ZNF407: variants seen among roughly 807,000 people sequenced by gnomAD.
ZNF407 encodes the protein zinc finger protein 407.
ZNF407 carries 17 observed loss-of-function variants against 131.2 expected under a neutral mutation model. The observed-to-expected ratio is 0.13, with a 90% CI of 0.09 to 0.19. The LOEUF (loss-of-function observed/expected upper bound fraction) is 0.19, where lower values mean the gene tolerates loss of function less well. ZNF407 is among the 10% of genes least tolerant of loss of function. The pLI, the probability that ZNF407 is intolerant of heterozygous loss-of-function variation, is 1.00. For missense variants in ZNF407, 2,681 were observed against 2,830.6 expected (o/e 0.95, Z 1.20); for synonymous variants, 1,156 against 1,062.0 (o/e 1.09, Z -1.72).
At chr18:75,051,340 C>T (rs1367463781) in intron 8 of ZNF407, among the ~76,000 whole-genome samples, 1 of 152,168 alleles carries the variant, frequency 6.6e-6, no homozygotes, top group Admixed American at 6.5e-5. Context: ...CAAAAGCACC[C>T]GAGTGCATTC....
At chr18:74,641,721 G>A (rs1442730348) in intron 3 of ZNF407, among the ~76,000 whole-genome samples, 2 of 152,122 alleles carry the variant, frequency 1.3e-5, no homozygotes, top group Non-Finnish European at 2.9e-5. Context: ...TTATTCAAAT[G>A]TGTTGCATTG....
chr18:74,634,860 G>A lies in ZNF407; in HGVS notation c.3841G>A (p.Gly1281Ser), dbSNP rs1364433032. 6.2e-7 allele frequency: 1 copy of A among 1,613,642 alleles called. No homozygotes were observed. Among genetic ancestry groups the A allele is most frequent in the Non-Finnish European group, 8.5e-7 (1 of 1,179,722 alleles). Reference sequence around the variant, plus strand: ...AGAACAGGGAAATCTGGAGAGCGGGGGTCAGAACAGAGTTGCACGTGGGCA... The same window carrying A: ...AGAACAGGGAAATCTGGAGAGCGGGAGTCAGAACAGAGTTGCACGTGGGCA... ...TREQGNLESG[G>S]QNRVARGHGL... The change falls in exon 2 of 9, where the codon GGT becomes AGT. Residue 1281 changes from glycine (G) to serine (S), a missense_variant. Gly to Ser is a moderately conservative substitution (Grantham distance 56). Around this residue, in one of 6 missense-constraint regions of ZNF407, gnomAD observed 1,789 missense variants for 1,748.7 expected, o/e 1.02. Transcript: ENST00000299687.
chr18:74,672,445 C>CTGTTCATTGGATCACTGTT (rs1568158478), intron 3 of ZNF407, among the ~76,000 whole-genome samples: 8 of 144,878 alleles, frequency 5.5e-5, no homozygotes, highest in Admixed American at 5.5e-4. Context: ...CACTGTTTGT[C>CTGTTCATTGGATCACTGTT]TGTTCATTGG....
At chr18:74,831,884 T>C (rs940300008) in intron 4 of ZNF407, among the ~76,000 whole-genome samples, 1 of 152,110 alleles carries the variant, frequency 6.6e-6, no homozygotes, top group Non-Finnish European at 1.5e-5. Context: ...CCTCCCACCC[T>C]CCGTGTGCTG....
intron 4 of ZNF407, among the ~76,000 whole-genome samples, chr18:74,831,201 A>T (rs997490661): frequency 1.3e-5 from 2 of 152,178 alleles, no homozygotes; most frequent in Non-Finnish European, 2.9e-5. Flanking sequence ...TTGACTGCAT[A>T]TCTTGGCTGT....
chr18:74,810,278 G>A (rs1970175316), intron 4 of ZNF407, among the ~76,000 whole-genome samples: 1 of 152,080 alleles, frequency 6.6e-6, no homozygotes, highest in Admixed American at 6.6e-5. Context: ...AGTTGTTAAG[G>A]AAGGCAGTTT....
At chr18:75,044,341 T>TTA (rs1359602365) in intron 8 of ZNF407, among the ~76,000 whole-genome samples, 2 of 147,382 alleles carry the variant, frequency 1.4e-5, no homozygotes, top group African/African-American at 5.0e-5. Flanking sequence ...TCTTTTTTTT[T>TTA]AAAAAAAAAA....
At chr18:75,040,037 A>C (rs1295089307) in intron 8 of ZNF407, among the ~76,000 whole-genome samples, 1 of 152,090 alleles carries the variant, frequency 6.6e-6, no homozygotes, top group African/African-American at 2.4e-5. Flanking sequence ...TGGTTCTTTC[A>C]TTTAGAACGT....
intron 8 of ZNF407, among the ~76,000 whole-genome samples, chr18:75,036,313 A>G (rs1361363843): frequency 6.7e-6 from 1 of 149,974 alleles, no homozygotes; most frequent in East Asian, 1.9e-4. Flanking sequence ...TTCACAGGGA[A>G]AAAAAAAAAG....
chr18:74,743,882 G>C, intron 3 of ZNF407, among the ~76,000 whole-genome samples: 1 of 152,092 alleles, frequency 6.6e-6, no homozygotes, highest in East Asian at 1.9e-4. Context: ...ACATTAATTT[G>C]TTTTTTCTTT....
chr18:74,722,983 C>G (rs981016748), intron 3 of ZNF407, among the ~76,000 whole-genome samples: 1 of 151,944 alleles, frequency 6.6e-6, no homozygotes, highest in African/African-American at 2.4e-5. Context: ...CTTAGGTACC[C>G]GAGCTTCTCT....
At chr18:74,733,351 A>C (rs1043368997) in intron 3 of ZNF407, among the ~76,000 whole-genome samples, 2 of 152,230 alleles carry the variant, frequency 1.3e-5, no homozygotes, top group Non-Finnish European at 1.5e-5. Flanking sequence ...ATATGACCAG[A>C]AGCTCAATAT....
chr18:74,751,318 T>C (rs1968795094), intron 3 of ZNF407, among the ~76,000 whole-genome samples: 1 of 152,186 alleles, frequency 6.6e-6, no homozygotes, highest in African/African-American at 2.4e-5. Flanking sequence ...TCTTTTCTAA[T>C]GTGGCTACGC....
rs755800655 is a variant in ZNF407, at chr18:74,889,904, T to C, written c.5129-14T>C. The C allele has an allele frequency of 8.4e-5, 134 of 1,598,192 alleles. No individual in the cohort carries two copies. Among genetic ancestry groups the C allele is most frequent in the Non-Finnish European group, 8.5e-5 (100 of 1,171,796 alleles). On this transcript the variant is annotated splice_polypyrimidine_tract_variant and intron_variant, in intron 6 of 8. Transcript: ENST00000299687. ...TATTATTATTCATCTGTAACATTTCTTGATATATTACAGGAGAAAAACCTT... is the reference window on the plus strand; with the variant it reads ...TATTATTATTCATCTGTAACATTTCCTGATATATTACAGGAGAAAAACCTT...
intron 3 of ZNF407, among the ~76,000 whole-genome samples, chr18:74,676,813 C>T (rs573396085): frequency 1.1e-4 from 17 of 152,242 alleles, no homozygotes; most frequent in African/African-American, 2.6e-4. Context: ...GGGCTTATAG[C>T]GTAATCTGAA....
chr18:74,776,130 C>T (rs567093573), intron 3 of ZNF407, among the ~76,000 whole-genome samples: 180 of 152,232 alleles, frequency 1.2e-3, no homozygotes, highest in South Asian at 0.012. Flanking sequence ...TTTGGGAGGG[C>T]AGAGCCTTCA....
At chr18:74,921,193 TG>T (rs1319267071) in intron 8 of ZNF407, 1 of 240,144 alleles carries the variant, frequency 4.2e-6, no homozygotes, top group African/African-American at 2.3e-5. Flanking sequence ...GGGAGGGGGC[TG>T]GCCCTAGGTT....
chr18:74,963,641 TG>T (rs1568284703), intron 8 of ZNF407, among the ~76,000 whole-genome samples: 1 of 152,220 alleles, frequency 6.6e-6, no homozygotes, highest in Non-Finnish European at 1.5e-5. Context: ...GAAGAGGAAA[TG>T]TTCATTGAAA....
chr18:75,023,615 A>C (rs562666822), intron 8 of ZNF407, among the ~76,000 whole-genome samples: 58 of 152,280 alleles, frequency 3.8e-4, no homozygotes, highest in African/African-American at 1.2e-3. Flanking sequence ...CTTCATCGTG[A>C]CCACCCACTC....
Sources: gnomAD v4.1 joint callset for allele counts (sites outside exome capture counted in the v4.1 genomes callset) on GRCh38, gnomAD v4.1.1 for gene constraint, gnomAD v4.1.1 regional missense constraint, MANE v1.5 for transcripts, NCBI Gene and HGNC (gene_info 2026-07-23, HGNC 2026-07-21) for gene names.